The following ZNF704 variants were observed in gnomAD, a reference collection of about 807,000 sequenced individuals.
ZNF704 encodes glucocorticoid induced gene 1.
In ZNF704, 10 loss-of-function variants were observed where a neutral mutation model predicts 44.7. The observed-to-expected ratio is 0.22, with a 90% CI of 0.14 to 0.38. ZNF704 has a LOEUF of 0.38. Among genes scored for constraint, ZNF704 ranks in the 10% least tolerant of loss-of-function variants. The pLI, the probability that ZNF704 is intolerant of heterozygous loss-of-function variation, is 1.00. For synonymous variants in ZNF704, 211 were observed against 207.6 expected, an observed-to-expected ratio of 1.02 and a Z score of -0.14; for missense variants, 390 against 545.5, an observed-to-expected ratio of 0.71 and a Z score of 2.84.
chr8:80,870,373 A>G (rs1809231516), intron 1 of ZNF704, among the ~76,000 whole-genome samples: 1 of 152,134 alleles, frequency 6.6e-6, no homozygotes, highest in South Asian at 2.1e-4. Flanking sequence ...AAACTTGTCA[A>G]AAGAGTTTTT....
intron 2 of ZNF704, among the ~76,000 whole-genome samples, chr8:80,731,745 G>C (rs977810004): frequency 6.6e-6 from 1 of 152,092 alleles, no homozygotes; most frequent in African/African-American, 2.4e-5. Context: ...CTGAGTGACA[G>C]AGTGAGACTC....
chr8:80,804,431 C>T (rs1295144577), intron 2 of ZNF704, among the ~76,000 whole-genome samples: 2 of 152,016 alleles, frequency 1.3e-5, no homozygotes, highest in African/African-American at 4.8e-5. Context: ...ACCTAAATGC[C>T]CATCAATTAT....
At chr8:80,845,285 A>T (rs1329307214) in intron 1 of ZNF704, among the ~76,000 whole-genome samples, 1 of 152,176 alleles carries the variant, frequency 6.6e-6, no homozygotes, top group African/African-American at 2.4e-5. Context: ...CAATACAGAT[A>T]ATTTCCTGCA....
At chr8:80,656,062 G>T (rs1413963176) in intron 7 of ZNF704, among the ~76,000 whole-genome samples, 1 of 152,160 alleles carries the variant, frequency 6.6e-6, no homozygotes, top group African/African-American at 2.4e-5. Flanking sequence ...CATAAGGGTG[G>T]GGCCCTGACC....
At chr8:80,780,711 G>A (rs1003040509) in intron 2 of ZNF704, among the ~76,000 whole-genome samples, 10 of 152,140 alleles carry the variant, frequency 6.6e-5, no homozygotes, top group African/African-American at 2.4e-4. Context: ...AGAGACTGCA[G>A]TGAGGTACTA....
At chr8:80,836,118 C>A (rs1808554503) in intron 1 of ZNF704, among the ~76,000 whole-genome samples, 1 of 152,164 alleles carries the variant, frequency 6.6e-6, no homozygotes, top group Non-Finnish European at 1.5e-5. Context: ...GGCTGAGAAC[C>A]CTCCAATGGC....
chr8:80,674,455 G>C (rs899018597), intron 4 of ZNF704, among the ~76,000 whole-genome samples: 3 of 152,300 alleles, frequency 2.0e-5, no homozygotes, highest in African/African-American at 7.2e-5. Flanking sequence ...GTTCTGGTGA[G>C]GGTTTTTGTG....
At chr8:80,676,979 G>A (rs1393751359) in intron 4 of ZNF704, among the ~76,000 whole-genome samples, 1 of 152,196 alleles carries the variant, frequency 6.6e-6, no homozygotes, top group Non-Finnish European at 1.5e-5. Flanking sequence ...CCGGGAGTTG[G>A]GGACCCCCGC....
Position 80,693,120 on chromosome 8 carries a change from A to G in ZNF704, c.222-13T>C. The G allele has an allele frequency of 6.2e-7, 1 of 1,609,794 alleles. No homozygotes were observed. Among genetic ancestry groups the G allele is most frequent in the Non-Finnish European group, 8.5e-7 (1 of 1,176,128 alleles). On this transcript the variant is annotated splice_polypyrimidine_tract_variant and intron_variant, in intron 2 of 8. Transcript: ENST00000327835. ...CTCTGAAGATTTCCTGTAAAACAGG[A>G]AGGGACACTGGTGACTGTTCACTCT...
chr8:80,702,518 C>T (rs1203146272), intron 2 of ZNF704, among the ~76,000 whole-genome samples: 1 of 152,016 alleles, frequency 6.6e-6, no homozygotes, highest in East Asian at 1.9e-4. Context: ...CCAGGTTTTA[C>T]AGTGAGTAAG....
rs544291363 is a variant in ZNF704 at position 80,699,486 on chromosome 8, AG to A, written c.222-6380del. On this transcript the variant is annotated intron_variant, in intron 2 of 8. Coordinates refer to ENST00000327835, the MANE Select transcript of ZNF704 (RefSeq NM_001033723.3). ...CCTGGATCGAACAAGATGGAAAATT[AG>A]AGTGAATACATCATAATACATAAGG... is the stretch of plus-strand genomic sequence containing the variant. Among the ~76,000 whole-genome samples, 272 of 152,226 alleles carry A rather than the reference AG, an allele frequency of 1.8e-3. 1 individual carries two copies. The highest frequency in any genetic ancestry group is 6.3e-3 in the African/African-American group (263 of 41,570).
intron 6 of ZNF704, 39 bp from the exon 7 acceptor site, chr8:80,659,728 T>A: frequency 6.0e-5 from 74 of 1,230,944 alleles, no homozygotes; most frequent in Non-Finnish European, 8.2e-5. Context: ...TATGAAGGAA[T>A]ATTTTCCTTC....
intron 2 of ZNF704, among the ~76,000 whole-genome samples, chr8:80,745,414 T>G (rs1489366132): frequency 6.6e-6 from 1 of 152,104 alleles, no homozygotes; most frequent in African/African-American, 2.4e-5. Context: ...GCTGTGGCAA[T>G]TATGCAGCTA....
chr8:80,657,174 G>T (rs904522332), intron 7 of ZNF704, among the ~76,000 whole-genome samples: 1 of 151,844 alleles, frequency 6.6e-6, no homozygotes, highest in African/African-American at 2.4e-5. Flanking sequence ...GCACCTGCTT[G>T]TTTTTTTTAG....
At chr8:80,666,021 A>T (rs1041430364) in intron 5 of ZNF704, among the ~76,000 whole-genome samples, 1 of 151,886 alleles carries the variant, frequency 6.6e-6, no homozygotes, top group African/African-American at 2.4e-5. Context: ...TGTGCAGGTT[A>T]GTTACATATG....
intron 1 of ZNF704, among the ~76,000 whole-genome samples, chr8:80,833,312 T>C (rs1808500486): frequency 6.6e-6 from 1 of 152,102 alleles, no homozygotes; most frequent in Non-Finnish European, 1.5e-5. Context: ...ATTGTGCCAC[T>C]GCACTCCAGC....
chr8:80,849,890 T>A (rs1031605558), intron 1 of ZNF704, among the ~76,000 whole-genome samples: 1 of 152,266 alleles, frequency 6.6e-6, no homozygotes, highest in African/African-American at 2.4e-5. Context: ...AATGTGTTTT[T>A]ACTGGAATTC....
chr8:80,765,639 T>C (rs1424606252), intron 2 of ZNF704, among the ~76,000 whole-genome samples: 1 of 152,194 alleles, frequency 6.6e-6, no homozygotes, highest in Non-Finnish European at 1.5e-5. Context: ...ACATTTGGGA[T>C]TTTAATCTCT....
At chr8:80,819,985 C>T (rs1261205488) in intron 2 of ZNF704, among the ~76,000 whole-genome samples, 1 of 152,164 alleles carries the variant, frequency 6.6e-6, no homozygotes, top group Non-Finnish European at 1.5e-5. Flanking sequence ...GTACTGTTTT[C>T]CTGGTTAACT....
Sources: gnomAD v4.1 joint callset for allele counts (sites outside exome capture counted in the v4.1 genomes callset) on GRCh38, gnomAD v4.1.1 for gene constraint, MANE v1.5 for transcripts, NCBI Gene and HGNC (gene_info 2026-07-23, HGNC 2026-07-21) for gene names.